Variants in HIBCH observed in about 807,000 individuals in gnomAD.
HIBCH encodes 3-hydroxyisobutyryl-CoA hydrolase, mitochondrial.
A neutral mutation model predicts 58.2 loss-of-function variants in HIBCH; 50 were observed. The observed-to-expected ratio is 0.86, with a 90% CI of 0.68 to 1.09. The LOEUF (loss-of-function observed/expected upper bound fraction) is 1.09. Ranked by LOEUF, HIBCH falls within the 50% of genes least tolerant of loss-of-function variation. The pLI, the probability that HIBCH is intolerant of heterozygous loss-of-function variation, is 0.00. For missense variants in HIBCH, 450 were observed against 449.7 expected (o/e 1.00, Z -0.01); for synonymous variants, 151 against 146.9 (o/e 1.03, Z -0.20).
chr2:190,286,419 A>G, intron 6 of HIBCH, among the ~76,000 whole-genome samples: 1 of 152,120 alleles, frequency 6.6e-6, no homozygotes. Context: ...GATTAAACAA[A>G]TTTGTTATGC....
chr2:190,300,184 G>C (rs1248869441), intron 2 of HIBCH, among the ~76,000 whole-genome samples: 1 of 152,240 alleles, frequency 6.6e-6, no homozygotes, highest in Non-Finnish European at 1.5e-5. Context: ...TATACACCCA[G>C]TAATGGAACT....
At chr2:190,316,524 C>T (rs1559069649) in intron 1 of HIBCH, among the ~76,000 whole-genome samples, 1 of 152,178 alleles carries the variant, frequency 6.6e-6, no homozygotes, top group Non-Finnish European at 1.5e-5. Flanking sequence ...CAAGACATTT[C>T]ACCTAAAACT....
intron 6 of HIBCH, among the ~76,000 whole-genome samples, chr2:190,275,804 T>C (rs1687532545): frequency 6.6e-6 from 1 of 152,212 alleles, no homozygotes; most frequent in Admixed American, 6.5e-5. Flanking sequence ...TTGAAGATGA[T>C]TGAGAGTTAA....
At chr2:190,250,939 T>A (rs963623226) in intron 8 of HIBCH, among the ~76,000 whole-genome samples, 1 of 152,204 alleles carries the variant, frequency 6.6e-6, no homozygotes, top group Non-Finnish European at 1.5e-5. Context: ...AGAGGACGTG[T>A]GAGAATAAAT....
At chr2:190,244,810 T>TA in intron 11 of HIBCH, 77 bp downstream of exon 11, 1 of 916,920 alleles carries the variant, frequency 1.1e-6, no homozygotes, top group Admixed American at 1.7e-5. Context: ...AATGGAGCAC[T>TA]AATACCCCCT....
chr2:190,316,442 T>G (rs751803805), intron 1 of HIBCH, among the ~76,000 whole-genome samples: 16 of 152,154 alleles, frequency 1.1e-4, no homozygotes, highest in Non-Finnish European at 1.6e-4. Flanking sequence ...TTAAAACTAC[T>G]AACATTATCT....
intron 1 of HIBCH, among the ~76,000 whole-genome samples, chr2:190,194,070 A>C (rs1465291306): frequency 1.3e-5 from 2 of 152,118 alleles, no homozygotes; most frequent in Non-Finnish European, 2.9e-5. Flanking sequence ...TTAGTTTCCA[A>C]ATATATGAGG....
At chr2:190,227,892 A>T (rs1685958745) in intron 11 of HIBCH, among the ~76,000 whole-genome samples, 1 of 152,240 alleles carries the variant, frequency 6.6e-6, no homozygotes, top group Admixed American at 6.5e-5. Context: ...ATCATTAAAA[A>T]GTCAGGAAAC....
chr2:190,292,615 T>C (rs1432421210), intron 4 of HIBCH, among the ~76,000 whole-genome samples: 1 of 152,218 alleles, frequency 6.6e-6, no homozygotes, highest in Non-Finnish European at 1.5e-5. Flanking sequence ...CCAGTCCTTT[T>C]ACTGGTTTTT....
intron 11 of HIBCH, among the ~76,000 whole-genome samples, chr2:190,232,527 C>T (rs1056214559): frequency 3.9e-5 from 6 of 152,236 alleles, no homozygotes; most frequent in Non-Finnish European, 7.3e-5. Flanking sequence ...TAGGCGCTTA[C>T]ACCTGGTTTC....
chr2:190,242,786 A>G (rs1396641486), intron 11 of HIBCH, among the ~76,000 whole-genome samples: 1 of 152,206 alleles, frequency 6.6e-6, no homozygotes, highest in African/African-American at 2.4e-5. Flanking sequence ...TTGTGCATGC[A>G]TATACTTGTA....
rs1392940894 is a variant in HIBCH at position 190,296,959 on chromosome 2, T to C, written c.79-6A>G. The C allele has an allele frequency of 1.9e-6, 3 of 1,613,848 alleles. No individual in the cohort carries two copies. The highest frequency in any genetic ancestry group is 2.5e-6 in the Non-Finnish European group (3 of 1,179,870). On this transcript the variant is annotated splice_polypyrimidine_tract_variant and splice_region_variant and intron_variant, in intron 2 of 13. Transcript: ENST00000359678. ...TCTGTGTGCTTGGACATTCTCTGTA[T>C]AAACAAAGAATAACTTTATGACAAA...
chr2:190,234,202 C>T (rs532408316), intron 11 of HIBCH, among the ~76,000 whole-genome samples: 2 of 152,286 alleles, frequency 1.3e-5, no homozygotes, highest in African/African-American at 4.8e-5. Context: ...GAATGCGGAG[C>T]AACTAGTACT....
At chr2:190,224,238 C>T (rs986133131) in intron 11 of HIBCH, among the ~76,000 whole-genome samples, 5 of 152,168 alleles carry the variant, frequency 3.3e-5, no homozygotes, top group African/African-American at 7.2e-5. Flanking sequence ...TGCTTGAGTA[C>T]GTAAACAAAG....
intron 1 of HIBCH, among the ~76,000 whole-genome samples, chr2:190,314,492 G>A (rs1426183711): frequency 6.6e-6 from 1 of 151,446 alleles, no homozygotes; most frequent in African/African-American, 2.4e-5. Context: ...TGGTTGGTTG[G>A]TTTTGAGACA....
At chr2:190,288,220 A>G (rs899220931) in intron 5 of HIBCH, among the ~76,000 whole-genome samples, 19 of 150,316 alleles carry the variant, frequency 1.3e-4, no homozygotes, top group Admixed American at 7.3e-4. Flanking sequence ...AACATTCAAT[A>G]TCAAAGATGT....
intron 6 of HIBCH, 45 bp from the exon 7 acceptor site, chr2:190,261,279 ATT>A (rs1304857975): frequency 9.4e-6 from 13 of 1,381,900 alleles, no homozygotes; most frequent in African/African-American, 1.4e-5. Flanking sequence ...AATTAAACAT[ATT>A]GTTAAAAAAC....
chr2:190,246,966 T>C (rs889882583), intron 9 of HIBCH, among the ~76,000 whole-genome samples: 3 of 152,160 alleles, frequency 2.0e-5, no homozygotes, highest in Admixed American at 1.3e-4. Context: ...GGCCTATGAT[T>C]GCAGCTGATT....
intron 11 of HIBCH, among the ~76,000 whole-genome samples, chr2:190,244,561 C>G (rs1372364798): frequency 6.6e-6 from 1 of 152,176 alleles, no homozygotes; most frequent in Non-Finnish European, 1.5e-5. Flanking sequence ...CCCAGCCCTT[C>G]TAATTAAAAT....
Sources: gnomAD v4.1 joint callset for allele counts (sites outside exome capture counted in the v4.1 genomes callset) on GRCh38, gnomAD v4.1.1 for gene constraint, MANE v1.5 for transcripts, NCBI Gene and HGNC (gene_info 2026-07-23, HGNC 2026-07-21) for gene names.